COL12A1: variants seen among roughly 807,000 people sequenced by gnomAD.
The protein encoded by COL12A1 is collagen type XII alpha 1 chain.
Under a neutral mutation model 349.7 loss-of-function variants are expected in COL12A1, and 114 were observed. The observed-to-expected ratio is 0.33, with a 90% CI of 0.28 to 0.38. COL12A1 has a LOEUF of 0.38. Ranked by LOEUF, COL12A1 falls within the 10% of genes least tolerant of loss-of-function variation. COL12A1 has a pLI of 1.00. For synonymous variants in COL12A1, 1,369 were observed against 1,329.0 expected (o/e 1.03, Z -0.66); for missense variants, 3,284 against 3,756.9 (o/e 0.87, Z 3.29).
In COL12A1 at chr6:75,205,298, C is replaced by T. The variant is rs1282303346; in HGVS notation, c.-36+479G>A. ...TCTGTTACGAGATGCCACACACACC[C>T]GTGCAGCCTCGACGAGCTGCAGAGC... On this transcript the variant is annotated intron_variant, in intron 1 of 65. Transcript: ENST00000322507. Among the ~76,000 whole-genome samples the T allele has an allele frequency of 4.6e-5, 7 of 151,272 alleles. No homozygotes were observed. In the East Asian group the frequency reaches 1.2e-3, roughly 25 times the overall value.
Position 75,113,256 on chromosome 6 carries a change from AC to A in COL12A1, c.7897del (p.Val2633LeufsTer8). ...NKDTRGEVQT[V>X]TFDTEEVKTL... ...CTTTACTTCTTCTGTGTCAAATGTA[AC>A]AGTTTGCACCTCGCCTCTTGTATCC... On this transcript the variant is annotated frameshift_variant, in exon 51 of 66. Transcript: ENST00000322507. LOFTEE classifies it high-confidence loss of function. 1 of 1,565,536 alleles carries A rather than the reference AC, an allele frequency of 6.4e-7. No homozygotes were observed. The highest frequency in any genetic ancestry group is 8.6e-7 in the Non-Finnish European group (1 of 1,158,496).
At chr6:75,167,316 C>T (rs1768361326) in intron 13 of COL12A1, among the ~76,000 whole-genome samples, 1 of 152,156 alleles carries the variant, frequency 6.6e-6, no homozygotes, top group East Asian at 1.9e-4. Context: ...TTTTCCTTTG[C>T]TTGATATATA....
chr6:75,175,000 C>T, intron 13 of COL12A1, 38 bp downstream of exon 13: 1 of 1,606,792 alleles, frequency 6.2e-7, no homozygotes, highest in South Asian at 1.1e-5. Flanking sequence ...GCACCACAAA[C>T]AAGTTCCTGG....
intron 3 of COL12A1, 46 bp downstream of exon 3, chr6:75,194,785 T>C: frequency 8.1e-7 from 1 of 1,227,252 alleles, no homozygotes; most frequent in South Asian, 1.4e-5. Context: ...GATTGAGTTA[T>C]ATCATCATGA....
intron 39 of COL12A1, 34 bp from the exon 40 acceptor site, chr6:75,125,307 T>A: frequency 3.2e-6 from 5 of 1,551,628 alleles, no homozygotes; most frequent in Non-Finnish European, 3.5e-6. Flanking sequence ...CACAGAAACA[T>A]GCCATCAATA....
intron 58 of COL12A1, 62 bp from the exon 59 acceptor site, chr6:75,097,368 G>T: frequency 7.3e-7 from 1 of 1,377,856 alleles, no homozygotes; most frequent in Non-Finnish European, 1.0e-6. Flanking sequence ...AAGAAAAGAT[G>T]CTAAACAGGT....
At position 75,199,004 on chromosome 6, in the gene COL12A1, G is replaced by T. The variant is rs372612038; in HGVS notation, c.73+3716C>A. Among the ~76,000 whole-genome samples, 3 of 152,246 alleles carry T rather than the reference G, an allele frequency of 2.0e-5. No homozygotes were observed. The South Asian group carries it at 6.2e-4, about 32-fold the overall frequency. ...AATTAGCATAACTTTAATTATCTTT[G>T]CCATGATATAGAAATCCATTTCATT... On this transcript the variant is annotated intron_variant, in intron 2 of 65. Transcript: ENST00000322507.
At chr6:75,125,045 C>A in intron 40 of COL12A1, 82 bp downstream of exon 40, 1 of 1,379,128 alleles carries the variant, frequency 7.3e-7, no homozygotes, top group Non-Finnish European at 9.7e-7. Context: ...TGTATATGTT[C>A]AGAAACAGGA....
At chr6:75,119,824 G>A (rs1030501767) in intron 44 of COL12A1, among the ~76,000 whole-genome samples, 3 of 152,082 alleles carry the variant, frequency 2.0e-5, no homozygotes, top group African/African-American at 7.2e-5. Flanking sequence ...TCCAAATGTT[G>A]GTTAAACAGT....
intron 23 of COL12A1, 49 bp downstream of exon 23, chr6:75,147,626 T>C: frequency 6.5e-7 from 1 of 1,539,036 alleles, no homozygotes; most frequent in Non-Finnish European, 8.7e-7. Flanking sequence ...CCATCATGCT[T>C]TATCTTGGAA....
chr6:75,183,662 G>GA lies in COL12A1; in HGVS notation c.1289-11dup, dbSNP rs760392744. On this transcript the variant is annotated splice_polypyrimidine_tract_variant and intron_variant, in intron 9 of 65. Transcript: ENST00000322507. The stretch of plus-strand genomic sequence containing the variant: ...ACACCACGTGAGCATTCTGTAAAGA[G>GA]AAAAAAAGTACATTAAACTTCAATA... 6 of 1,579,646 alleles carry GA rather than the reference G, an allele frequency of 3.8e-6. No individual in the cohort carries two copies. The highest frequency in any genetic ancestry group is 3.6e-5 in the South Asian group (3 of 84,350).
chr6:75,119,022 C>A, intron 46 of COL12A1, 21 bp downstream of exon 46: 1 of 1,611,494 alleles, frequency 6.2e-7, no homozygotes, highest in Non-Finnish European at 8.5e-7. Flanking sequence ...CAAGTGCAAT[C>A]AAATTCATGT....
chr6:75,085,177 C>G lies in COL12A1; in HGVS notation c.*1370G>C, dbSNP rs1433723205. 2.2e-6 allele frequency: 1 copy of G among 461,220 alleles called. No homozygotes were observed. Among genetic ancestry groups the G allele is most frequent in the Non-Finnish European group, 4.5e-6 (1 of 223,346 alleles). 28.6% of individuals were successfully genotyped at this position (461,220 alleles called of 1,614,324 possible). ...CTCCCCCAAGCCTCGCGGCGCGGCG[C>G]GTGATCTCTGGTTCACTGCCCGGGT... On this transcript the variant is annotated 3_prime_UTR_variant, in exon 66 of 66. Transcript: ENST00000322507.
chr6:75,186,586 A>T (rs1769633010), intron 8 of COL12A1, among the ~76,000 whole-genome samples: 1 of 152,216 alleles, frequency 6.6e-6, no homozygotes, highest in South Asian at 2.1e-4. Flanking sequence ...TAAGAACAGA[A>T]ACACCATTTA....
At chr6:75,143,154 G>T in intron 26 of COL12A1, 98 bp downstream of exon 26, 1 of 1,370,904 alleles carries the variant, frequency 7.3e-7, no homozygotes, top group Non-Finnish European at 1.0e-6. Context: ...AAAGTGACAA[G>T]TATTCAAAAC....
chr6:75,145,021 T>C (rs552459885), intron 25 of COL12A1, among the ~76,000 whole-genome samples: 1 of 152,324 alleles, frequency 6.6e-6, no homozygotes, highest in Admixed American at 6.5e-5. Flanking sequence ...AGATGCACCA[T>C]TGTCTTATGC....
At chr6:75,168,643 G>A (rs1768445067) in intron 13 of COL12A1, among the ~76,000 whole-genome samples, 1 of 152,200 alleles carries the variant, frequency 6.6e-6, no homozygotes, top group South Asian at 2.1e-4. Context: ...AAGTACTGGT[G>A]CCTTCTAAAT....
chr6:75,102,547 T>C, intron 56 of COL12A1, 50 bp downstream of exon 56: 1 of 1,351,060 alleles, frequency 7.4e-7, no homozygotes, highest in Non-Finnish European at 9.9e-7. Flanking sequence ...TTCATTTAAC[T>C]AAATGTTTAT....
intron 14 of COL12A1, among the ~76,000 whole-genome samples, chr6:75,160,930 G>C (rs934908970): frequency 3.9e-5 from 6 of 152,154 alleles, no homozygotes; most frequent in African/African-American, 1.4e-4. Context: ...AAACACTGAT[G>C]TATGTGTGAG....
Sources: gnomAD v4.1 joint callset for allele counts (sites outside exome capture counted in the v4.1 genomes callset) on GRCh38, gnomAD v4.1.1 for gene constraint, MANE v1.5 for transcripts, NCBI Gene and HGNC (gene_info 2026-07-23, HGNC 2026-07-21) for gene names.